Variants in ZC3H11A observed in about 807,000 individuals in gnomAD.
ZC3H11A encodes zinc finger CCCH-type containing 11A.
A neutral mutation model predicts 90.8 loss-of-function variants in ZC3H11A; 22 were observed. That is an observed-to-expected ratio of 0.24 (90% CI 0.17 to 0.35). The LOEUF (loss-of-function observed/expected upper bound fraction) is 0.35, where lower values mean the gene tolerates loss of function less well. ZC3H11A is among the 10% of genes least tolerant of loss of function. The probability of loss-of-function intolerance (pLI) is 1.00; values close to 1 mark genes in which losing one functional copy is unlikely to be tolerated. For synonymous variants in ZC3H11A, 294 were observed against 339.8 expected (o/e 0.87, Z 1.48); for missense variants, 701 against 964.9 (o/e 0.73, Z 3.62).
At position 203,805,538 on chromosome 1, in the gene ZC3H11A, G is replaced by A. The variant is rs141433299; in HGVS notation, c.-146+2522G>A. ...TTTCCTTCAAAGAAAGGACAGAAACGTATCTGTTACGGTAAATTTGGAAAG... is the reference window on the plus strand; with the variant it reads ...TTTCCTTCAAAGAAAGGACAGAAACATATCTGTTACGGTAAATTTGGAAAG... On this transcript the variant is annotated intron_variant, in intron 2 of 17. Coordinates refer to ENST00000367210, the MANE Select transcript of ZC3H11A (RefSeq NM_001376342.1). 417 of 550,824 alleles carry A rather than the reference G, an allele frequency of 7.6e-4. 1 individual carries two copies. The highest frequency in any genetic ancestry group is 5.7e-3 in the African/African-American group (306 of 53,290). 34.1% of individuals were successfully genotyped at this position (550,824 alleles called of 1,614,324 possible).
chr1:203,818,245 C>T (rs770821178), intron 3 of ZC3H11A, among the ~76,000 whole-genome samples: 1 of 149,906 alleles, frequency 6.7e-6, no homozygotes, highest in African/African-American at 2.4e-5. Context: ...GCTAGAGTTA[C>T]ACAAGGCGAG....
In ZC3H11A at chr1:203,852,295, A is replaced by G. The variant is rs377038022; in HGVS notation, c.2329A>G (p.Ile777Val). 1.1e-5 allele frequency: 17 copies of G among 1,613,634 alleles called. No individual in the cohort carries two copies. The highest frequency in any genetic ancestry group is 1.4e-5 in the Non-Finnish European group (17 of 1,179,852). Reference protein sequence around the residue: ...LSVEDDFEKLIWEISGGKLEA... With the variant: ...LSVEDDFEKLVWEISGGKLEA... ...TGTGGAGGATGATTTTGAGAAACTA[A>G]TATGGGAGATTTCAGGAGGCAAATT... Residue 777 changes from isoleucine (I) to valine (V), a missense_variant, in exon 18 of 18, where the codon ATA becomes GTA. Ile to Val is a conservative substitution (Grantham distance 29, BLOSUM62 3). Around this residue, in one of 4 missense-constraint regions of ZC3H11A, gnomAD observed 21 missense variants for 49.1 expected, o/e 0.43. Coordinates refer to ENST00000367210, the MANE Select transcript of ZC3H11A (RefSeq NM_001376342.1).
At chr1:203,828,559 C>G in intron 5 of ZC3H11A, 137 bp downstream of exon 5, 2 of 1,105,648 alleles carry the variant, frequency 1.8e-6, no homozygotes, top group Non-Finnish European at 2.6e-6. Context: ...GATAAGTGAA[C>G]TGAATCTTAT....
chr1:203,839,280 A>G (rs1685340236), intron 11 of ZC3H11A, among the ~76,000 whole-genome samples: 1 of 152,210 alleles, frequency 6.6e-6, no homozygotes, highest in African/African-American at 2.4e-5. Flanking sequence ...TCTGGCCTCA[A>G]GCCATCCTTC....
chr1:203,798,082 CCAA>C (rs1467956377), intron 1 of ZC3H11A: 13 of 1,535,972 alleles, frequency 8.5e-6, no homozygotes, highest in Non-Finnish European at 1.0e-5. Context: ...TGGACCAGGG[CCAA>C]CAAGTTTGGA....
chr1:203,815,167 AAC>A (rs1279002421), intron 2 of ZC3H11A, among the ~76,000 whole-genome samples: 1 of 149,888 alleles, frequency 6.7e-6, no homozygotes, highest in East Asian at 2.0e-4. Flanking sequence ...CCAGTTTTTG[AAC>A]AGTTAGGTTT....
intron 10 of ZC3H11A, chr1:203,835,968 G>A (rs1684202633): frequency 1.2e-5 from 2 of 167,896 alleles, no homozygotes; most frequent in African/African-American, 2.4e-5. Context: ...AAGATGGTGG[G>A]GAGAGCTAAG....
intron 2 of ZC3H11A, among the ~76,000 whole-genome samples, chr1:203,807,994 G>A (rs201157653): frequency 3.3e-5 from 5 of 152,084 alleles, no homozygotes; most frequent in East Asian, 3.9e-4. Flanking sequence ...CTCCTGTCTC[G>A]GCCTCTCAAA....
At chr1:203,798,655 G>C in intron 1 of ZC3H11A, 6 of 1,536,148 alleles carry the variant, frequency 3.9e-6, no homozygotes, top group Non-Finnish European at 4.4e-6. Context: ...GTTGAAAACA[G>C]ATCTGAAAGT....
intron 12 of ZC3H11A, among the ~76,000 whole-genome samples, chr1:203,840,695 A>C (rs951536623): frequency 2.6e-5 from 4 of 151,866 alleles, no homozygotes; most frequent in African/African-American, 9.6e-5. Context: ...GTTAAATGGC[A>C]AGGTCTCAGC....
chr1:203,825,601 A>G (rs1224227420), intron 4 of ZC3H11A, among the ~76,000 whole-genome samples: 1 of 151,772 alleles, frequency 6.6e-6, no homozygotes, highest in African/African-American at 2.4e-5. Context: ...TGCCCAGCTA[A>G]TTTTTGTATT....
At chr1:203,813,258 G>A (rs1306283609) in intron 2 of ZC3H11A, among the ~76,000 whole-genome samples, 1 of 151,784 alleles carries the variant, frequency 6.6e-6, no homozygotes, top group African/African-American at 2.4e-5. Flanking sequence ...CTAGGCTGGA[G>A]TGCAGTGGTG....
Position 203,796,158 on chromosome 1 carries a change from G to C in ZC3H11A, c.-1588+364G>C, listed in dbSNP as rs1355253024. The C allele has an allele frequency of 1.0e-5, 3 of 296,426 alleles. No individual in the cohort carries two copies. In the East Asian group the frequency reaches 1.6e-4, roughly 16 times the overall value. 18.4% of individuals were successfully genotyped at this position (296,426 alleles called of 1,614,324 possible). On this transcript the variant is annotated intron_variant, in intron 1 of 17. Transcript: ENST00000367210. ...AGCCCCGAAAACCGACTGTTCCCCC[G>C]AATCCCGAAGAGAGAACTGACACTA... is the stretch of plus-strand genomic sequence containing the variant.
chr1:203,805,538 G>C, intron 2 of ZC3H11A: 2 of 550,826 alleles, frequency 3.6e-6, no homozygotes, highest in South Asian at 1.4e-5. Flanking sequence ...GGACAGAAAC[G>C]TATCTGTTAC....
intron 10 of ZC3H11A, among the ~76,000 whole-genome samples, chr1:203,837,061 G>A (rs745710071): frequency 5.3e-5 from 8 of 152,156 alleles, no homozygotes; most frequent in Non-Finnish European, 4.4e-5. Flanking sequence ...TTTGGAGGCT[G>A]AAGTGGGCAG....
At chr1:203,808,586 A>G (rs564335155) in intron 2 of ZC3H11A, among the ~76,000 whole-genome samples, 1 of 152,272 alleles carries the variant, frequency 6.6e-6, no homozygotes. Flanking sequence ...GTTTTCTGGA[A>G]TTATTTTCAT....
intron 9 of ZC3H11A, among the ~76,000 whole-genome samples, chr1:203,831,988 T>A (rs1558126425): frequency 1.3e-5 from 2 of 152,214 alleles, no homozygotes; most frequent in Non-Finnish European, 2.9e-5. Context: ...TTCCATTTAC[T>A]GTTTATATCC....
intron 2 of ZC3H11A, among the ~76,000 whole-genome samples, chr1:203,805,350 C>T (rs1444011869): frequency 6.6e-6 from 1 of 152,010 alleles, no homozygotes; most frequent in Admixed American, 6.6e-5. Flanking sequence ...CCAGGCTGGT[C>T]TCGAACTTCT....
intron 12 of ZC3H11A, among the ~76,000 whole-genome samples, chr1:203,845,797 T>C (rs899472753): frequency 6.6e-6 from 1 of 152,018 alleles, no homozygotes; most frequent in Non-Finnish European, 1.5e-5. Context: ...CCAGGAGATG[T>C]AGGTTGCGGT....
Sources: gnomAD v4.1 joint callset for allele counts (sites outside exome capture counted in the v4.1 genomes callset) on GRCh38, gnomAD v4.1.1 for gene constraint, gnomAD v4.1.1 regional missense constraint, MANE v1.5 for transcripts, NCBI Gene and HGNC (gene_info 2026-07-23, HGNC 2026-07-21) for gene names.